MAPK4: variants seen among roughly 807,000 people sequenced by gnomAD.
MAPK4 encodes mitogen-activated protein kinase 4.
Under a neutral mutation model 47.7 loss-of-function variants are expected in MAPK4, and 22 were observed. The observed-to-expected ratio is 0.46, with a 90% confidence interval of 0.33 to 0.66. The LOEUF (loss-of-function observed/expected upper bound fraction) is 0.66, where lower values mean the gene tolerates loss of function less well. MAPK4 is among the 30% of genes least tolerant of loss of function. The pLI is 0.02. For synonymous variants in MAPK4, 390 were observed against 365.7 expected (o/e 1.07, Z -0.76); for missense variants, 736 against 831.7 (o/e 0.88, Z 1.42).
At chr18:50,695,859 T>G (rs749177370) in intron 2 of MAPK4, among the ~76,000 whole-genome samples, 4 of 152,172 alleles carry the variant, frequency 2.6e-5, no homozygotes, top group Non-Finnish European at 5.9e-5. Context: ...CTCCTACATT[T>G]TCTGTTTCAT....
rs570104121 is a variant in MAPK4, at chr18:50,576,204, G to T, written c.-871+15961G>T. Reference sequence around the variant, plus strand: ...AAACACATGCATACATATGTTCATCGCAGTACTATTCACAATAGCAAAAAA... The same window carrying T: ...AAACACATGCATACATATGTTCATCTCAGTACTATTCACAATAGCAAAAAA... On this transcript the variant is annotated intron_variant, in intron 1 of 5. Transcript: ENST00000400384. 2.6e-5 allele frequency among the ~76,000 whole-genome samples: 4 copies of T among 152,142 alleles called. No homozygotes were observed. The East Asian group carries it at 7.7e-4, about 29-fold the overall frequency.
At chr18:50,642,980 C>T (rs1382047955) in intron 1 of MAPK4, among the ~76,000 whole-genome samples, 2 of 152,162 alleles carry the variant, frequency 1.3e-5, no homozygotes, top group East Asian at 1.9e-4. Flanking sequence ...GTGCTTTATT[C>T]GTTAACTTTC....
intron 1 of MAPK4, among the ~76,000 whole-genome samples, chr18:50,650,964 A>C (rs1278137453): frequency 6.6e-6 from 1 of 152,162 alleles, no homozygotes; most frequent in Non-Finnish European, 1.5e-5. Flanking sequence ...GGCCCAAGAA[A>C]TGCCAAAATG....
In MAPK4 at chr18:50,729,618, C is replaced by T; in HGVS notation, c.1528C>T (p.Pro510Ser). The T allele has an allele frequency of 7.2e-7, 1 of 1,380,344 alleles. No homozygotes were observed. Among genetic ancestry groups the T allele is most frequent in the Non-Finnish European group, 9.3e-7 (1 of 1,069,624 alleles). 85.5% of individuals were successfully genotyped at this position (1,380,344 alleles called of 1,614,324 possible). Reference sequence around the variant, plus strand: ...GGGCGGCCCAGAGCACGCCAGCCCGCCCGCCGACGACCCCGAGCGCCGCTT... The same window carrying T: ...GGGCGGCCCAGAGCACGCCAGCCCGTCCGCCGACGACCCCGAGCGCCGCTT... Reference protein sequence around the residue: ...TQGGPEHASPPADDPERRLSA... With the variant: ...TQGGPEHASPSADDPERRLSA... The change falls in exon 6 of 6, where the codon CCC (proline) becomes TCC (serine). Residue 510 changes from proline (P) to serine (S), a missense_variant. Pro to Ser is a moderately conservative substitution (Grantham distance 74). Transcript: ENST00000400384.
intron 1 of MAPK4, among the ~76,000 whole-genome samples, chr18:50,616,632 C>A (rs983437428): frequency 1.3e-5 from 2 of 152,176 alleles, no homozygotes; most frequent in Admixed American, 1.3e-4. Context: ...AACAGTGTAA[C>A]CTTCGGTCTG....
intron 2 of MAPK4, among the ~76,000 whole-genome samples, chr18:50,684,143 A>G (rs981587221): frequency 6.6e-6 from 1 of 152,190 alleles, no homozygotes; most frequent in Non-Finnish European, 1.5e-5. Flanking sequence ...TTGCTAGAGC[A>G]CTTTCTGGCT....
chr18:50,573,564 G>C (rs1227729570), intron 1 of MAPK4, among the ~76,000 whole-genome samples: 1 of 152,180 alleles, frequency 6.6e-6, no homozygotes, highest in Non-Finnish European at 1.5e-5. Flanking sequence ...AGATGGGACT[G>C]TCTAGTTACA....
chr18:50,594,748 A>G (rs965948), intron 1 of MAPK4, among the ~76,000 whole-genome samples: 151,795 of 152,328 alleles, frequency 1, 75,635 homozygotes, highest in East Asian at 1. Context: ...ATCAAAACCA[A>G]ATATGTCTCT....
chr18:50,642,806 T>C (rs1391893999), intron 1 of MAPK4, among the ~76,000 whole-genome samples: 2 of 152,210 alleles, frequency 1.3e-5, no homozygotes, highest in Non-Finnish European at 2.9e-5. Context: ...AAGAGGCAAG[T>C]GTTGGCCAGG....
At chr18:50,692,050 G>A (rs922344932) in intron 2 of MAPK4, among the ~76,000 whole-genome samples, 1 of 152,180 alleles carries the variant, frequency 6.6e-6, no homozygotes, top group African/African-American at 2.4e-5. Flanking sequence ...ATGTAACTCA[G>A]GGTCACATAG....
chr18:50,684,567 T>C (rs1296854566), intron 2 of MAPK4, among the ~76,000 whole-genome samples: 1 of 151,512 alleles, frequency 6.6e-6, no homozygotes, highest in Non-Finnish European at 1.5e-5. Flanking sequence ...AAAGCTTTTA[T>C]TCCCCTTCAC....
intron 1 of MAPK4, among the ~76,000 whole-genome samples, chr18:50,627,629 T>C (rs2042790905): frequency 6.6e-6 from 1 of 152,144 alleles, no homozygotes; most frequent in African/African-American, 2.4e-5. Context: ...TGAACAAACT[T>C]CCTCACAGTA....
intron 1 of MAPK4, among the ~76,000 whole-genome samples, chr18:50,617,068 T>A (rs2042691115): frequency 6.6e-6 from 1 of 152,220 alleles, no homozygotes; most frequent in Non-Finnish European, 1.5e-5. Flanking sequence ...GGCTCCAGCT[T>A]TTGGCTGTAA....
At chr18:50,700,071 C>T (rs1909705333) in intron 2 of MAPK4, among the ~76,000 whole-genome samples, 1 of 152,156 alleles carries the variant, frequency 6.6e-6, no homozygotes, top group Non-Finnish European at 1.5e-5. Context: ...CCTAACTGAA[C>T]TCAACCTCCA....
chr18:50,575,902 A>G (rs1407288811), intron 1 of MAPK4, among the ~76,000 whole-genome samples: 1 of 152,170 alleles, frequency 6.6e-6, no homozygotes, highest in Non-Finnish European at 1.5e-5. Context: ...AAATGCCAAC[A>G]TCACTATTCA....
chr18:50,627,309 T>G (rs79041119), intron 1 of MAPK4, among the ~76,000 whole-genome samples: 2,094 of 152,280 alleles, frequency 0.014, 53 homozygotes, highest in African/African-American at 0.047. Flanking sequence ...AGGATTCCCC[T>G]CAGGGGGAAG....
At chr18:50,720,794 T>C (rs1910899262) in intron 3 of MAPK4, among the ~76,000 whole-genome samples, 1 of 151,806 alleles carries the variant, frequency 6.6e-6, no homozygotes, top group Non-Finnish European at 1.5e-5. Flanking sequence ...ACCCAATGAG[T>C]CCACTGCAGG....
chr18:50,601,533 T>C (rs1347147582), intron 1 of MAPK4, among the ~76,000 whole-genome samples: 2 of 152,028 alleles, frequency 1.3e-5, no homozygotes, highest in African/African-American at 4.8e-5. Flanking sequence ...ACCACTTCTC[T>C]TCCTCTTTCT....
intron 2 of MAPK4, 72 bp from the exon 3 acceptor site, chr18:50,715,007 A>C: frequency 6.8e-7 from 1 of 1,476,942 alleles, no homozygotes; most frequent in South Asian, 1.3e-5. Flanking sequence ...TGGGAGGGGA[A>C]ACTGGAAGAG....
Sources: allele counts gnomAD v4.1 joint callset (sites outside exome capture counted in the v4.1 genomes callset), GRCh38; gene constraint gnomAD v4.1.1; transcripts MANE v1.5; gene names NCBI Gene and HGNC (gene_info 2026-07-23, HGNC 2026-07-21).